The following MED26 variants were observed in gnomAD, a reference collection of about 807,000 sequenced individuals.
The protein encoded by MED26 is mediator complex subunit 26.
A neutral mutation model predicts 43.7 loss-of-function variants in MED26; 7 were observed. The observed-to-expected ratio is 0.16, with a 90% CI of 0.09 to 0.30. The LOEUF is 0.30. MED26 is among the 10% of genes least tolerant of loss of function. MED26 has a pLI of 1.00. For missense variants in MED26, 784 were observed against 840.6 expected (o/e 0.93, Z 0.83); for synonymous variants, 375 against 371.1 (o/e 1.01, Z -0.12).
rs1297376230 is a variant in MED26 at position 16,587,809 on chromosome 19, G to A, written c.73-9400C>T. On this transcript the variant is annotated intron_variant, in intron 1 of 2. Transcript: ENST00000263390. The surrounding 1 kb of genome is among the most constrained non-coding windows in gnomAD (Gnocchi z 4.9). ...GACGGGAAATGCCACCTGAGTACAG[G>A]CAGCACGCGGAGCCCTGACTGAACC... The A allele has an allele frequency of 1.3e-5, 2 of 152,296 alleles. No individual in the cohort carries two copies. Among genetic ancestry groups the A allele is most frequent in the Non-Finnish European group, 2.9e-5 (2 of 68,088 alleles). 9.4% of individuals were successfully genotyped at this position (152,296 alleles called of 1,614,324 possible). A position where few individuals can be genotyped will look rare whatever the true frequency, so the allele number is the denominator to read the frequency against.
intron 1 of MED26, among the ~76,000 whole-genome samples, chr19:16,597,920 T>TCAC (rs1352208585): frequency 6.6e-6 from 1 of 151,890 alleles, no homozygotes; most frequent in Non-Finnish European, 1.5e-5. Context: ...AGACAGGGTT[T>TCAC]CATCATGTTG....
At chr19:16,588,332 A>C (rs945634979) in intron 1 of MED26, 1 of 152,306 alleles carries the variant, frequency 6.6e-6, no homozygotes, top group Non-Finnish European at 1.5e-5. Flanking sequence ...CTCGGCCCAT[A>C]TATGTTCCGC....
rs574635444 is a variant in MED26, at chr19:16,617,157, A to G, written c.72+10715T>C. On this transcript the variant is annotated intron_variant, in intron 1 of 2. Coordinates refer to ENST00000263390, the MANE Select transcript of MED26 (RefSeq NM_004831.5). ...ACCCCTAACTCCTTGTTGGGCTGAC[A>G]GCGTGTCCAGAGAGGCAATGCACAA... Among the ~76,000 whole-genome samples the G allele has an allele frequency of 3.7e-4, 57 of 152,280 alleles. 1 individual carries two copies. The South Asian group carries it at 0.011, about 28-fold the overall frequency.
At chr19:16,590,031 G>T (rs1218488323) in intron 1 of MED26, among the ~76,000 whole-genome samples, 1 of 152,240 alleles carries the variant, frequency 6.6e-6, no homozygotes, top group East Asian at 1.9e-4. Flanking sequence ...ACTGAGAAAC[G>T]TGTCTGCACT....
chr19:16,626,581 T>A lies in MED26; in HGVS notation c.72+1291A>T, dbSNP rs563477319. On this transcript the variant is annotated intron_variant, in intron 1 of 2. Transcript: ENST00000263390. The stretch of plus-strand genomic sequence containing the variant: ...GAAAAAACTCATAACCCTTCAGTCT[T>A]AACCAAAAATTGTATAAGCCAATGT... Among the ~76,000 whole-genome samples, 162 of 152,272 alleles carry A rather than the reference T, an allele frequency of 1.1e-3. 1 individual carries two copies. Among genetic ancestry groups the A allele is most frequent in the African/African-American group, 3.5e-3 (147 of 41,554 alleles).
chr19:16,607,805 T>C (rs2122433564), intron 1 of MED26, among the ~76,000 whole-genome samples: 1 of 152,336 alleles, frequency 6.6e-6, no homozygotes, highest in South Asian at 2.1e-4. Context: ...CTTCTTCCAA[T>C]GTGGCTCAGA....
intron 1 of MED26, among the ~76,000 whole-genome samples, chr19:16,613,239 C>T (rs919997978): frequency 1.3e-5 from 2 of 152,170 alleles, no homozygotes; most frequent in African/African-American, 4.8e-5. Context: ...TTCTTTCCAT[C>T]TTTCTTTCTT....
intron 1 of MED26, among the ~76,000 whole-genome samples, chr19:16,589,954 C>T (rs1211757404): frequency 6.6e-6 from 1 of 152,214 alleles, no homozygotes; most frequent in Admixed American, 6.5e-5. Flanking sequence ...CTGAAAACAG[C>T]TTCAACACAA....
At chr19:16,579,781 G>C (rs2086035308) in intron 1 of MED26, among the ~76,000 whole-genome samples, 1 of 152,152 alleles carries the variant, frequency 6.6e-6, no homozygotes, top group African/African-American at 2.4e-5. Flanking sequence ...ACAAGGAAAT[G>C]GGCATCTCTG....
chr19:16,583,090 C>G (rs1242168184), intron 1 of MED26, among the ~76,000 whole-genome samples: 1 of 152,244 alleles, frequency 6.6e-6, no homozygotes, highest in African/African-American at 2.4e-5. Flanking sequence ...GGGAGCCGCT[C>G]CAGGCGATGG....
intron 1 of MED26, among the ~76,000 whole-genome samples, chr19:16,615,107 A>G (rs530899176): frequency 3.3e-5 from 5 of 152,344 alleles, no homozygotes; most frequent in African/African-American, 1.2e-4. Context: ...ATGACAGGCA[A>G]GTCAGACCGG....
intron 1 of MED26, chr19:16,589,318 A>C (rs968592302): frequency 6.6e-6 from 1 of 152,138 alleles, no homozygotes; most frequent in African/African-American, 2.4e-5. Flanking sequence ...CAGCAATTCC[A>C]CTCCAAGCAG....
chr19:16,598,241 G>A (rs1235035593), intron 1 of MED26, among the ~76,000 whole-genome samples: 3 of 148,648 alleles, frequency 2.0e-5, no homozygotes, highest in South Asian at 4.2e-4. Context: ...GGAAGCTGAC[G>A]CAGGAGAATG....
At chr19:16,611,695 C>T (rs906786845) in intron 1 of MED26, 4 of 152,154 alleles carry the variant, frequency 2.6e-5, no homozygotes, top group African/African-American at 9.7e-5. Flanking sequence ...TCCTTTCCCC[C>T]TCATGGTAAG....
chr19:16,593,370 C>T (rs2086106717), intron 1 of MED26, among the ~76,000 whole-genome samples: 1 of 152,204 alleles, frequency 6.6e-6, no homozygotes, highest in Non-Finnish European at 1.5e-5. Flanking sequence ...CACCTGCCCA[C>T]ACATCTGCTC....
At chr19:16,615,270 G>A (rs1397608657) in intron 1 of MED26, among the ~76,000 whole-genome samples, 1 of 152,142 alleles carries the variant, frequency 6.6e-6, no homozygotes, top group Non-Finnish European at 1.5e-5. Context: ...GTCAGGAGCT[G>A]ACTGATGAGC....
chr19:16,624,992 G>A (rs1395710299), intron 1 of MED26, among the ~76,000 whole-genome samples: 1 of 152,186 alleles, frequency 6.6e-6, no homozygotes, highest in Non-Finnish European at 1.5e-5. Context: ...CACCTGCTGA[G>A]GAGACTGCTC....
At chr19:16,603,470 A>T (rs530669118) in intron 1 of MED26, among the ~76,000 whole-genome samples, 2,122 of 150,556 alleles carry the variant, frequency 0.014, 46 homozygotes, top group African/African-American at 0.048. Flanking sequence ...GGCTTTTTTT[A>T]AAAAAAAAAT....
chr19:16,582,436 G>T (rs1037057417), intron 1 of MED26, among the ~76,000 whole-genome samples: 1 of 152,250 alleles, frequency 6.6e-6, no homozygotes, highest in African/African-American at 2.4e-5. Context: ...GCCACAGTCT[G>T]TCCCAAAGAA....
Sources: gnomAD v4.1 joint callset for allele counts (sites outside exome capture counted in the v4.1 genomes callset) on GRCh38, gnomAD v4.1.1 for gene constraint, Gnocchi (gnomAD v3.1) non-coding constraint, MANE v1.5 for transcripts, NCBI Gene and HGNC (gene_info 2026-07-23, HGNC 2026-07-21) for gene names.